Variants in RADX observed in about 807,000 individuals in gnomAD.
The protein encoded by RADX is RPA1 related single stranded DNA binding protein, X-linked.
A neutral mutation model predicts 61.6 loss-of-function variants in RADX; 36 were observed. That is an observed-to-expected ratio of 0.58 (90% CI 0.45 to 0.77). The LOEUF is 0.77. Among genes scored for constraint, RADX ranks in the 30% least tolerant of loss-of-function variants. RADX has a pLI of 0.00. For missense variants in RADX, 497 were observed against 651.1 expected (o/e 0.76, Z 2.58); for synonymous variants, 272 against 237.9 (o/e 1.14, Z -1.32).
chrX:106,646,348 A>G, intron 10 of RADX, among the ~76,000 whole-genome samples: 1 of 110,658 alleles, frequency 9.0e-6, no homozygotes, highest in Non-Finnish European at 1.9e-5. Flanking sequence ...TTATGGGTTG[A>G]ATTGTGTCCC....
At chrX:106,673,695 C>A (rs1403594113) in intron 13 of RADX, among the ~76,000 whole-genome samples, 1 of 98,453 alleles carries the variant, frequency 1.0e-5, no homozygotes, top group East Asian at 3.3e-4. Flanking sequence ...CCCACACACA[C>A]ACACCGCCCC....
At chrX:106,630,729 G>C (rs776669822) in intron 3 of RADX, among the ~76,000 whole-genome samples, 6 of 110,825 alleles carry the variant, frequency 5.4e-5, no homozygotes, top group Non-Finnish European at 9.4e-5. Flanking sequence ...CACAAAGAGG[G>C]GAACAGCACA....
intron 1 of RADX, among the ~76,000 whole-genome samples, chrX:106,619,614 C>T (rs1428910406): frequency 5.4e-5 from 6 of 111,613 alleles, no homozygotes; most frequent in Non-Finnish European, 9.4e-5. Context: ...TTTTCTTCCA[C>T]GGTTAAGGAC....
At chrX:106,656,161 T>A (rs1041275241) in intron 11 of RADX, among the ~76,000 whole-genome samples, 1 of 112,324 alleles carries the variant, frequency 8.9e-6, no homozygotes, top group African/African-American at 3.2e-5. Context: ...TCACCAGGAA[T>A]AGATTCAATC....
chrX:106,613,916 T>G (rs895790782), intron 1 of RADX, among the ~76,000 whole-genome samples: 1 of 111,847 alleles, frequency 8.9e-6, no homozygotes, highest in Non-Finnish European at 1.9e-5. Flanking sequence ...ACAAGAAAAG[T>G]TGAGGGGATT....
In RADX at chrX:106,639,842, T is replaced by G. The variant is rs759131879; in HGVS notation, c.1734+155T>G. On this transcript the variant is annotated intron_variant, in intron 9 of 13. Coordinates refer to ENST00000372548, the MANE Select transcript of RADX (RefSeq NM_018015.6). ...TAGGTTGGTGCAAAAGGCATTGTGG[T>G]TTTTGCCTATAAAAGTAATGGCAAA... 2.5e-4 allele frequency: 90 copies of G among 355,359 alleles called. 1 individual carries two copies. The East Asian group carries it at 4.3e-3, about 17-fold the overall frequency. The allele number at this position is 355,359 out of a possible 1,213,427, so 29.3% of individuals were successfully genotyped here. A position where few individuals can be genotyped will look rare whatever the true frequency, so the allele number is the denominator to read the frequency against.
At position 106,624,964 on chromosome X, in the gene RADX, TAATA is replaced by T. The variant is rs1177243067; in HGVS notation, c.787-120_787-117del. 3 of 375,920 alleles carry T rather than the reference TAATA, an allele frequency of 8.0e-6. No individual in the cohort carries two copies. In the East Asian group the frequency reaches 1.4e-4, roughly 17 times the overall value. 31.0% of individuals were successfully genotyped at this position (375,920 alleles called of 1,213,427 possible). A position where few individuals can be genotyped will look rare whatever the true frequency, so the allele number is the denominator to read the frequency against. On this transcript the variant is annotated intron_variant, in intron 2 of 13. Transcript: ENST00000372548. Reference sequence around the variant, plus strand: ...GCAAAATTGACAACTGAATCATTATTAATAAATAATTAAAATTTAGATGTTATTT... The same window carrying T: ...GCAAAATTGACAACTGAATCATTATTAATAATTAAAATTTAGATGTTATTT...
In RADX at chrX:106,640,739, A is replaced by G. The variant is rs751403854; in HGVS notation, c.1904+18A>G. ...GCTAATCCGTAAGTCATTTGTATTAAGTATATGTAAAGTATATTTTTTCTT... is the reference window on the plus strand; with the variant it reads ...GCTAATCCGTAAGTCATTTGTATTAGGTATATGTAAAGTATATTTTTTCTT... On this transcript the variant is annotated intron_variant, in intron 10 of 13. Transcript: ENST00000372548. 1 of 1,076,619 alleles carries G rather than the reference A, an allele frequency of 9.3e-7. No homozygotes were observed. The allele number at this position is 1,076,619 out of a possible 1,213,427, so 88.7% of individuals were successfully genotyped here.
intron 11 of RADX, among the ~76,000 whole-genome samples, chrX:106,651,735 A>T (rs1423360101): frequency 9.0e-6 from 1 of 111,267 alleles, no homozygotes; most frequent in Non-Finnish European, 1.9e-5. Flanking sequence ...AAATTTAAAC[A>T]TGTGAGTTAA....
chrX:106,666,941 G>T (rs189918408), intron 12 of RADX, among the ~76,000 whole-genome samples: 2 of 111,754 alleles, frequency 1.8e-5, no homozygotes, highest in Non-Finnish European at 3.8e-5. Context: ...AAAATTATAG[G>T]TAAAATGCAC....
At chrX:106,670,198 T>C (rs1928332000) in intron 13 of RADX, among the ~76,000 whole-genome samples, 3 of 111,039 alleles carry the variant, frequency 2.7e-5, no homozygotes, top group African/African-American at 9.8e-5. Context: ...TTTTTATTTT[T>C]CCCACAGTCC....
chrX:106,677,499 A>ATT (rs751692847), intron 13 of RADX, among the ~76,000 whole-genome samples: 13 of 91,693 alleles, frequency 1.4e-4, no homozygotes, highest in Non-Finnish European at 2.2e-4. Context: ...CACCTGATCC[A>ATT]TTTTTTTTTT....
At chrX:106,655,306 T>C (rs975809759) in intron 11 of RADX, among the ~76,000 whole-genome samples, 10 of 108,818 alleles carry the variant, frequency 9.2e-5, no homozygotes, top group Admixed American at 2.0e-4. Context: ...TTTCTTTTTT[T>C]TTTTTAAGTT....
intron 13 of RADX, among the ~76,000 whole-genome samples, chrX:106,671,435 G>A (rs1377108653): frequency 8.9e-6 from 1 of 111,801 alleles, no homozygotes; most frequent in African/African-American, 3.2e-5. Flanking sequence ...TATGTGTTGT[G>A]TGTGTGTCAA....
At chrX:106,636,342 C>T (rs932303377) in intron 6 of RADX, among the ~76,000 whole-genome samples, 1 of 111,682 alleles carries the variant, frequency 9.0e-6, no homozygotes, top group East Asian at 2.8e-4. Flanking sequence ...ACTGGCAGCA[C>T]TAATAATTGC....
In RADX at chrX:106,678,283, G is replaced by A; in HGVS notation, c.*25G>A. The A allele has an allele frequency of 9.4e-7, 1 of 1,058,864 alleles. No homozygotes were observed. The allele number at this position is 1,058,864 out of a possible 1,213,427, so 87.3% of individuals were successfully genotyped here. On this transcript the variant is annotated 3_prime_UTR_variant, in exon 14 of 14. Transcript: ENST00000372548. ...AAAGTTAGCAAATGAAATTATTACA[G>A]ATTATACGAGTGTACTGCTTTAAAG... is the stretch of plus-strand genomic sequence containing the variant.
At chrX:106,628,593 G>T (rs1343998059) in intron 3 of RADX, among the ~76,000 whole-genome samples, 1 of 110,313 alleles carries the variant, frequency 9.1e-6, no homozygotes, top group Non-Finnish European at 1.9e-5. Flanking sequence ...ATTTATCTTG[G>T]TTTATTTTTC....
chrX:106,621,987 A>T (rs1044095351), intron 1 of RADX, among the ~76,000 whole-genome samples: 1 of 97,044 alleles, frequency 1.0e-5, no homozygotes, highest in Admixed American at 1.2e-4. Context: ...CAGTGGTGTG[A>T]TCATGGTTCA....
At chrX:106,628,557 A>C (rs1303319328) in intron 3 of RADX, among the ~76,000 whole-genome samples, 2 of 111,231 alleles carry the variant, frequency 1.8e-5, no homozygotes, top group African/African-American at 6.5e-5. Flanking sequence ...CTAGGTGTTC[A>C]TGTTGGAAGA....
Sources: gnomAD v4.1 joint callset for allele counts (sites outside exome capture counted in the v4.1 genomes callset) on GRCh38, gnomAD v4.1.1 for gene constraint, MANE v1.5 for transcripts, NCBI Gene and HGNC (gene_info 2026-07-23, HGNC 2026-07-21) for gene names.